Variants in RBM26 observed in about 807,000 individuals in gnomAD.
RBM26 encodes the protein RNA binding motif protein 26.
In RBM26, 30 loss-of-function variants were observed where a neutral mutation model predicts 123.6. The observed-to-expected ratio is 0.24, with a 90% CI of 0.18 to 0.33. The LOEUF is 0.33. Ranked by LOEUF, RBM26 falls within the 10% of genes least tolerant of loss-of-function variation. RBM26 has a pLI of 1.00. For missense variants in RBM26, 947 were observed against 1,203.6 expected, an observed-to-expected ratio of 0.79 and a Z score of 3.15; for synonymous variants, 400 against 404.4, an observed-to-expected ratio of 0.99 and a Z score of 0.13.
At chr13:79,367,430 A>AAAAAAAAAAAAAAAG (rs1555326395) in intron 6 of RBM26, among the ~76,000 whole-genome samples, 3 of 47,134 alleles carry the variant, frequency 6.4e-5, no homozygotes, top group Non-Finnish European at 5.3e-5. Flanking sequence ...AAAAAAAAAA[A>AAAAAAAAAAAAAAAG]AAGAAGAAGA....
chr13:79,324,301 T>C (rs952211848), intron 20 of RBM26, among the ~76,000 whole-genome samples: 2 of 151,890 alleles, frequency 1.3e-5, no homozygotes, highest in Admixed American at 6.6e-5. Context: ...ATTCTTTTCA[T>C]AAATATCTCT....
chr13:79,328,840 C>A (rs947637157), intron 20 of RBM26, among the ~76,000 whole-genome samples: 1 of 151,344 alleles, frequency 6.6e-6, no homozygotes, highest in Non-Finnish European at 1.5e-5. Context: ...TGAATTAAAA[C>A]CTAAATGAGT....
At chr13:79,381,794 T>C (rs1350190641) in intron 1 of RBM26, among the ~76,000 whole-genome samples, 1 of 152,058 alleles carries the variant, frequency 6.6e-6, no homozygotes, top group African/African-American at 2.4e-5. Context: ...GTAGAAGCAA[T>C]CTGAACTGAA....
At chr13:79,400,321 G>A (rs1167825320) in intron 1 of RBM26, among the ~76,000 whole-genome samples, 1 of 152,140 alleles carries the variant, frequency 6.6e-6, no homozygotes, top group Admixed American at 6.5e-5. Flanking sequence ...TCAAGGTACT[G>A]GCAGGTTTGG....
chr13:79,375,924 C>G (rs971545170), intron 3 of RBM26, among the ~76,000 whole-genome samples: 1 of 151,952 alleles, frequency 6.6e-6, no homozygotes, highest in Admixed American at 6.6e-5. Context: ...TTACTGAGAA[C>G]CTACCATGTG....
intron 13 of RBM26, among the ~76,000 whole-genome samples, chr13:79,353,631 T>C (rs1385023178): frequency 3.9e-5 from 6 of 152,172 alleles, no homozygotes; most frequent in Non-Finnish European, 5.9e-5. Flanking sequence ...TTTGGGATGA[T>C]AGGACTGGGA....
chr13:79,375,345 G>A (rs1381141929), intron 3 of RBM26, among the ~76,000 whole-genome samples: 2 of 150,926 alleles, frequency 1.3e-5, no homozygotes, highest in Non-Finnish European at 2.9e-5. Flanking sequence ...GCTAATTTTT[G>A]TTTTTAGTAG....
In RBM26 at chr13:79,373,318, A is replaced by G. The variant is rs1208890032; in HGVS notation, c.328-1388T>C. Among the ~76,000 whole-genome samples the G allele has an allele frequency of 8.4e-5, 9 of 107,024 alleles. No individual in the cohort carries two copies. In the East Asian group the frequency reaches 1.8e-3, roughly 21 times the overall value. The allele number at this position is 107,024 out of a possible 152,430, so 70.2% of individuals were successfully genotyped here. A position where few individuals can be genotyped will look rare whatever the true frequency, so the allele number is the denominator to read the frequency against. The stretch of plus-strand genomic sequence containing the variant: ...TAAATATATAAAAATATAAATAAAT[A>G]TATATAAATATAAAATATATATTAT... On this transcript the variant is annotated intron_variant, in intron 3 of 21. Transcript: ENST00000438737.
chr13:79,403,863 A>T (rs1190567190), intron 1 of RBM26, among the ~76,000 whole-genome samples: 1 of 152,206 alleles, frequency 6.6e-6, no homozygotes, highest in Non-Finnish European at 1.5e-5. Flanking sequence ...TGCTAAATCT[A>T]AGGGCTACCT....
intron 1 of RBM26, among the ~76,000 whole-genome samples, chr13:79,392,278 T>C (rs1156415740): frequency 7.3e-6 from 1 of 136,058 alleles, no homozygotes; most frequent in Non-Finnish European, 1.5e-5. Flanking sequence ...TATATATTAA[T>C]TATATATAAA....
At chr13:79,320,744 AAAAAAAAAAAAAGAAAAG>A in intron 21 of RBM26, 34 bp from the exon 22 acceptor site, 1 of 680,708 alleles carries the variant, frequency 1.5e-6, no homozygotes, top group Non-Finnish European at 1.9e-6. Context: ...AATTTACCCA[AAAAAAAAAAAAAGAAAAG>A]AAAAAAAAGG....
chr13:79,404,098 G>A (rs762391775), intron 1 of RBM26, among the ~76,000 whole-genome samples: 17 of 152,188 alleles, frequency 1.1e-4, no homozygotes, highest in Admixed American at 8.5e-4. Flanking sequence ...CTGAGTTTTA[G>A]ACTCATATAT....
chr13:79,405,641 G>C (rs1215970139), intron 1 of RBM26, 63 bp downstream of exon 1: 112 of 1,232,318 alleles, frequency 9.1e-5, no homozygotes, highest in Non-Finnish European at 1.2e-4. Flanking sequence ...AAACTGCACA[G>C]ATCTCTGGGT....
intron 19 of RBM26, among the ~76,000 whole-genome samples, chr13:79,335,005 A>C (rs978598830): frequency 6.6e-6 from 1 of 152,170 alleles, no homozygotes; most frequent in South Asian, 2.1e-4. Context: ...TTTAAAAGCT[A>C]AACACATTAT....
intron 20 of RBM26, among the ~76,000 whole-genome samples, chr13:79,330,125 T>C (rs2069066062): frequency 6.6e-6 from 1 of 152,208 alleles, no homozygotes; most frequent in Non-Finnish European, 1.5e-5. Flanking sequence ...AATTCTAATT[T>C]CTATACTATA....
chr13:79,377,211 G>A (rs2076728726), intron 3 of RBM26, 168 bp downstream of exon 3: 3 of 539,390 alleles, frequency 5.6e-6, no homozygotes, highest in Non-Finnish European at 9.8e-6. Context: ...ATAAGCCAGG[G>A]CCATAAGCAC....
At chr13:79,378,042 G>A (rs1460624446) in intron 2 of RBM26, among the ~76,000 whole-genome samples, 1 of 152,194 alleles carries the variant, frequency 6.6e-6, no homozygotes, top group Non-Finnish European at 1.5e-5. Context: ...AAGACGGTAG[G>A]GACTGGAATG....
chr13:79,401,749 T>C (rs987312234), intron 1 of RBM26, among the ~76,000 whole-genome samples: 1 of 152,202 alleles, frequency 6.6e-6, no homozygotes. Flanking sequence ...AATACTGTAA[T>C]TCTTCCTATT....
intron 20 of RBM26, among the ~76,000 whole-genome samples, chr13:79,327,138 A>T (rs2068548455): frequency 2.0e-5 from 3 of 151,964 alleles, no homozygotes; most frequent in South Asian, 4.2e-4. Flanking sequence ...TCTACAAAAA[A>T]TACAAAAATT....
Sources: allele counts gnomAD v4.1 joint callset (sites outside exome capture counted in the v4.1 genomes callset), GRCh38; gene constraint gnomAD v4.1.1; transcripts MANE v1.5; gene names NCBI Gene and HGNC (gene_info 2026-07-23, HGNC 2026-07-21).